Variants in MYRFL observed in about 807,000 individuals in gnomAD.
MYRFL encodes the protein myelin regulatory factor-like protein.
A neutral mutation model predicts 109.4 loss-of-function variants in MYRFL; 88 were observed. That is an observed-to-expected ratio of 0.80 (90% CI 0.68 to 0.96). MYRFL has a LOEUF of 0.96. Ranked by LOEUF, MYRFL falls within the 40% of genes least tolerant of loss-of-function variation. The pLI is 0.00. For synonymous variants in MYRFL, 324 were observed against 320.9 expected (o/e 1.01, Z -0.10); for missense variants, 957 against 954.9 (o/e 1.00, Z -0.03).
At chr12:69,909,930 T>A in intron 11 of MYRFL, 39 bp from the exon 12 acceptor site, 1 of 1,381,830 alleles carries the variant, frequency 7.2e-7, no homozygotes, top group Non-Finnish European at 9.8e-7. Context: ...ATAGCAAATA[T>A]CTATGCGAGT....
At chr12:69,914,794 C>T (rs1410920546) in intron 13 of MYRFL, among the ~76,000 whole-genome samples, 1 of 152,120 alleles carries the variant, frequency 6.6e-6, no homozygotes, top group Non-Finnish European at 1.5e-5. Context: ...CATGCCAAGG[C>T]AGCACTCAGT....
chr12:69,846,616 G>C (rs1017133959), intron 1 of MYRFL, among the ~76,000 whole-genome samples: 1 of 152,062 alleles, frequency 6.6e-6, no homozygotes, highest in Non-Finnish European at 1.5e-5. Flanking sequence ...ATTTGGGTTG[G>C]TTCCAAGTCT....
intron 13 of MYRFL, among the ~76,000 whole-genome samples, chr12:69,922,311 T>A (rs1954938451): frequency 6.6e-6 from 1 of 152,182 alleles, no homozygotes; most frequent in African/African-American, 2.4e-5. Flanking sequence ...AAAATGCTGT[T>A]TCTATCTTCA....
At chr12:69,945,741 A>C (rs1955812690) in intron 19 of MYRFL, among the ~76,000 whole-genome samples, 2 of 151,954 alleles carry the variant, frequency 1.3e-5, no homozygotes, top group Non-Finnish European at 2.9e-5. Context: ...TAATCCCAGC[A>C]CTTTGGGAGG....
chr12:69,891,391 G>A (rs976156700), intron 7 of MYRFL, among the ~76,000 whole-genome samples: 3 of 152,204 alleles, frequency 2.0e-5, no homozygotes, highest in African/African-American at 7.2e-5. Flanking sequence ...GCACTCAGAT[G>A]CCTGTTGAGT....
intron 10 of MYRFL, among the ~76,000 whole-genome samples, chr12:69,900,288 T>C (rs537511075): frequency 1.3e-5 from 2 of 152,276 alleles, no homozygotes; most frequent in African/African-American, 4.8e-5. Context: ...CATTCCTCTT[T>C]TGGAGTTCAG....
At chr12:69,918,867 T>G (rs1189599346) in intron 13 of MYRFL, among the ~76,000 whole-genome samples, 1 of 152,216 alleles carries the variant, frequency 6.6e-6, no homozygotes. Flanking sequence ...CTTTCAAAAA[T>G]AAAATGAATA....
intron 19 of MYRFL, among the ~76,000 whole-genome samples, chr12:69,938,967 A>G (rs1955553448): frequency 6.6e-6 from 1 of 152,204 alleles, no homozygotes; most frequent in South Asian, 2.1e-4. Flanking sequence ...TCCCACCCGA[A>G]TACTGCGCAT....
chr12:69,844,993 C>T (rs1410337357), intron 1 of MYRFL, among the ~76,000 whole-genome samples: 1 of 152,096 alleles, frequency 6.6e-6, no homozygotes, highest in African/African-American at 2.4e-5. Context: ...CTCCTGTGCT[C>T]TAACCCATTG....
At chr12:69,827,613 C>T (rs1272267742) in intron 1 of MYRFL, among the ~76,000 whole-genome samples, 2 of 151,942 alleles carry the variant, frequency 1.3e-5, no homozygotes, top group Admixed American at 6.6e-5. Flanking sequence ...TGTCATAAGA[C>T]GGGTGCATTG....
chr12:69,948,934 G>A (rs1326230036), intron 19 of MYRFL, among the ~76,000 whole-genome samples: 1 of 152,028 alleles, frequency 6.6e-6, no homozygotes, highest in African/African-American at 2.4e-5. Flanking sequence ...AAAGTTTTTT[G>A]GAGGTTAAAT....
chr12:69,953,764 GACACACAC>G (rs143170206), intron 21 of MYRFL, among the ~76,000 whole-genome samples: 13 of 144,180 alleles, frequency 9.0e-5, no homozygotes, highest in Admixed American at 3.5e-4. Context: ...GTGCAACCCG[GACACACAC>G]ACACACACAC....
At chr12:69,929,940 C>T (rs1955217970) in intron 15 of MYRFL, among the ~76,000 whole-genome samples, 1 of 152,232 alleles carries the variant, frequency 6.6e-6, no homozygotes, top group Non-Finnish European at 1.5e-5. Flanking sequence ...GAAAGTGCTG[C>T]ATAATAGGTT....
chr12:69,903,696 G>A lies in MYRFL; in HGVS notation c.1235G>A (p.Gly412Glu). ...ENDSDALWQR[G>E]QVPESIVCHG... ...GACAGTGATGCATTGTGGCAGCGAG[G>A]ACAAGTTCCAGAATCTATTGTCTGT... Residue 412 changes from glycine to glutamate, a missense_variant, in exon 11 of 25, where the codon GGA (glycine) becomes GAA (glutamate). Physicochemically the swap from Gly to Glu is moderately conservative, Grantham distance 98 (BLOSUM62 -2). Transcript: ENST00000552032. The A allele has an allele frequency of 6.5e-7, 1 of 1,535,876 alleles. No homozygotes were observed. Among genetic ancestry groups the A allele is most frequent in the Non-Finnish European group, 8.7e-7 (1 of 1,146,726 alleles).
intron 13 of MYRFL, among the ~76,000 whole-genome samples, chr12:69,925,835 C>G: frequency 6.6e-6 from 1 of 152,012 alleles, no homozygotes. Context: ...TACAATAGTT[C>G]ATTGGATTTT....
intron 19 of MYRFL, among the ~76,000 whole-genome samples, chr12:69,945,934 C>A (rs1327218165): frequency 8.1e-6 from 1 of 123,586 alleles, no homozygotes; most frequent in Non-Finnish European, 1.6e-5. Flanking sequence ...TTGCAGTGAG[C>A]CGAGATCCCG....
At chr12:69,873,141 G>C (rs1252121122) in intron 2 of MYRFL, among the ~76,000 whole-genome samples, 1 of 152,074 alleles carries the variant, frequency 6.6e-6, no homozygotes, top group Non-Finnish European at 1.5e-5. Flanking sequence ...TCTTACAGTA[G>C]ATCAGGGGTG....
At position 69,862,377 on chromosome 12, in the gene MYRFL, A is replaced by G. The variant is rs1188882600; in HGVS notation, c.137+7007A>G. On this transcript the variant is annotated intron_variant, in intron 2 of 24. Coordinates refer to ENST00000552032, the MANE Select transcript of MYRFL (RefSeq NM_182530.3). ...TTCACAATATTGATTCTTCCTACCC[A>G]TGAGCATGAAATGTTCTTCCATTTG... is the stretch of plus-strand genomic sequence containing the variant. Among the ~76,000 whole-genome samples the G allele has an allele frequency of 5.3e-5, 8 of 152,342 alleles. 1 individual carries two copies. The highest frequency in any genetic ancestry group is 1.4e-4 in the African/African-American group (6 of 41,572).
chr12:69,830,467 A>G (rs940462865), intron 1 of MYRFL, among the ~76,000 whole-genome samples: 1 of 147,940 alleles, frequency 6.8e-6, no homozygotes, highest in Non-Finnish European at 1.5e-5. Flanking sequence ...ACATTTATAT[A>G]GATATATAGA....
Sources: gnomAD v4.1 joint callset for allele counts (sites outside exome capture counted in the v4.1 genomes callset) on GRCh38, gnomAD v4.1.1 for gene constraint, MANE v1.5 for transcripts, NCBI Gene and HGNC (gene_info 2026-07-23, HGNC 2026-07-21) for gene names.